The following DNAJC17 variants were observed in gnomAD, a reference collection of about 807,000 sequenced individuals.
The protein encoded by DNAJC17 is dnaJ homolog subfamily C member 17.
A neutral mutation model predicts 48.1 loss-of-function variants in DNAJC17; 35 were observed. The ratio of observed to expected loss-of-function variants is 0.73; its 90% CI spans 0.56 to 0.96. The LOEUF (loss-of-function observed/expected upper bound fraction) is 0.96, where lower values mean the gene tolerates loss of function less well. Among genes scored for constraint, DNAJC17 ranks in the 50% least tolerant of loss-of-function variants. The pLI is 0.00. For missense variants in DNAJC17, 355 were observed against 377.1 expected (o/e 0.94, Z 0.48); for synonymous variants, 117 against 142.7 (o/e 0.82, Z 1.28).
chr15:40,768,957 G>A (rs780061001), intron 10 of DNAJC17, among the ~76,000 whole-genome samples: 43 of 152,244 alleles, frequency 2.8e-4, no homozygotes, highest in Admixed American at 9.2e-4. Context: ...CCTGATCCGC[G>A]GTACCCCGCA....
At chr15:40,798,614 G>A (rs571433912) in intron 1 of DNAJC17, among the ~76,000 whole-genome samples, 2 of 152,304 alleles carry the variant, frequency 1.3e-5, no homozygotes, top group Admixed American at 1.3e-4. Flanking sequence ...GAACGTGCAG[G>A]ACAGGCAGTA....
At chr15:40,779,394 C>G in intron 3 of DNAJC17, 84 bp from the exon 4 acceptor site, 1 of 1,566,960 alleles carries the variant, frequency 6.4e-7, no homozygotes, top group South Asian at 1.1e-5. Flanking sequence ...CCCTAGCCCA[C>G]GAGCCATCAG....
chr15:40,766,051 G>T lies in DNAJC17; in HGVS notation c.*1889C>A. ...CCCCCTGCCTGCATCCTGGGGCTCT[G>T]TTCTCCGGAGGAGTTGGTCCCATCT... On this transcript the variant is annotated 3_prime_UTR_variant, in exon 11 of 11. Transcript: ENST00000220496. 1 of 476,018 alleles carries T rather than the reference G, an allele frequency of 2.1e-6. No homozygotes were observed. 29.5% of individuals were successfully genotyped at this position (476,018 alleles called of 1,614,324 possible).
Position 40,770,380 on chromosome 15 carries a change from C to T in DNAJC17, c.793-2318G>A. ...TCAAAGGTCTGTGCTGAGTGGAAAC[C>T]CTGAGGCCTCTGCTCCTAGGGGAGC... On this transcript the variant is annotated intron_variant, in intron 10 of 10. Coordinates refer to ENST00000220496, the MANE Select transcript of DNAJC17 (RefSeq NM_018163.3). The surrounding 1 kb of genome is among the most constrained non-coding windows in gnomAD (Gnocchi z 5.0). 5 of 1,013,474 alleles carry T rather than the reference C, an allele frequency of 4.9e-6. No individual in the cohort carries two copies. The highest frequency in any genetic ancestry group is 7.1e-6 in the Non-Finnish European group (5 of 708,772). The allele number at this position is 1,013,474 out of a possible 1,614,324, so 62.8% of individuals were successfully genotyped here.
At chr15:40,779,335 C>A (rs1210352810) in intron 3 of DNAJC17, 25 bp from the exon 4 acceptor site, 2 of 1,612,584 alleles carry the variant, frequency 1.2e-6, no homozygotes, top group Non-Finnish European at 1.7e-6. Context: ...GGGCACAGGG[C>A]AGAGGGTCAG....
Position 40,767,069 on chromosome 15 carries a change from A to T in DNAJC17, c.*871T>A. Reference sequence around the variant, plus strand: ...TAGCTCGTGAAGTACCTAGAAGGGGAGGAGGCAGGGGGCGTGCACTTACCC... The same window carrying T: ...TAGCTCGTGAAGTACCTAGAAGGGGTGGAGGCAGGGGGCGTGCACTTACCC... On this transcript the variant is annotated 3_prime_UTR_variant, in exon 11 of 11. Coordinates refer to ENST00000220496, the MANE Select transcript of DNAJC17 (RefSeq NM_018163.3). The T allele has an allele frequency of 1.7e-6, 1 of 576,130 alleles. No individual in the cohort carries two copies. The highest frequency in any genetic ancestry group is 4.1e-5 in the South Asian group (1 of 24,566). The allele number at this position is 576,130 out of a possible 1,614,324, so 35.7% of individuals were successfully genotyped here.
intron 1 of DNAJC17, among the ~76,000 whole-genome samples, chr15:40,800,639 T>C (rs1890053370): frequency 6.6e-6 from 1 of 151,616 alleles, no homozygotes; most frequent in African/African-American, 2.4e-5. Flanking sequence ...GTGTTTTTTT[T>C]TCTACAATCA....
At chr15:40,789,633 G>C (rs1889739266) in intron 1 of DNAJC17, among the ~76,000 whole-genome samples, 1 of 151,840 alleles carries the variant, frequency 6.6e-6, no homozygotes, top group Non-Finnish European at 1.5e-5. Context: ...TGGGTCTCTA[G>C]CCCCAGAACC....
In DNAJC17 at chr15:40,807,279, T is replaced by A. The variant is rs762861528; in HGVS notation, c.78+90A>T. The A allele has an allele frequency of 3.7e-5, 60 of 1,609,346 alleles. No individual in the cohort carries two copies. In the Middle Eastern group the frequency reaches 4.9e-4, roughly 13 times the overall value. ...TCCCCGCCCAGGACCCGAATGAACC[T>A]GGAGAGCGGATGCCAGCAGTGGCCG... On this transcript the variant is annotated intron_variant, in intron 1 of 10. Transcript: ENST00000220496.
intron 1 of DNAJC17, among the ~76,000 whole-genome samples, chr15:40,793,260 G>A (rs1470329890): frequency 2.0e-5 from 3 of 152,070 alleles, no homozygotes; most frequent in Non-Finnish European, 4.4e-5. Context: ...AAAAACACCA[G>A]TCATATAAAT....
chr15:40,765,476 A>C lies in DNAJC17; in HGVS notation c.*2464T>G, dbSNP rs1223709642. 5.8e-6 allele frequency: 1 copy of C among 172,904 alleles called. No individual in the cohort carries two copies. The highest frequency in any genetic ancestry group is 2.4e-5 in the African/African-American group (1 of 42,192). 10.7% of individuals were successfully genotyped at this position (172,904 alleles called of 1,614,324 possible). A position where few individuals can be genotyped will look rare whatever the true frequency, so the allele number is the denominator to read the frequency against. ...TTTTGAAATGGAGTCTCACTCTGTC[A>C]CCCAGGCTGGAGTGCAGTGGTGCAA... On this transcript the variant is annotated 3_prime_UTR_variant, in exon 11 of 11. Coordinates refer to ENST00000220496, the MANE Select transcript of DNAJC17 (RefSeq NM_018163.3).
intron 1 of DNAJC17, among the ~76,000 whole-genome samples, chr15:40,793,158 G>T (rs1315634243): frequency 4.6e-5 from 5 of 108,140 alleles, no homozygotes; most frequent in African/African-American, 1.8e-4. Context: ...CTCCCAAAGT[G>T]CTGGGATTAC....
In DNAJC17 at chr15:40,767,399, TG is replaced by T. The variant is rs776744478; in HGVS notation, c.*540del. 18 of 1,548,622 alleles carry T rather than the reference TG, an allele frequency of 1.2e-5. No homozygotes were observed. The African/African-American group carries it at 2.4e-4, about 21-fold the overall frequency. On this transcript the variant is annotated 3_prime_UTR_variant, in exon 11 of 11. Transcript: ENST00000220496. ...GGGCACCCCTGTGGAGGGGCTGCTGTGGGCCCTGACCTCCAAGCTCCTGCCT... is the reference window on the plus strand; with the variant it reads ...GGGCACCCCTGTGGAGGGGCTGCTGTGGCCCTGACCTCCAAGCTCCTGCCT...
At chr15:40,807,071 G>T in intron 1 of DNAJC17, 1 of 629,044 alleles carries the variant, frequency 1.6e-6, no homozygotes, top group Non-Finnish European at 2.7e-6. Context: ...AGACTGCGCA[G>T]GCGCAGAGGA....
intron 1 of DNAJC17, among the ~76,000 whole-genome samples, chr15:40,781,027 T>C (rs1466242675): frequency 6.7e-6 from 1 of 148,788 alleles, no homozygotes; most frequent in Non-Finnish European, 1.5e-5. Flanking sequence ...TATTCCCCTG[T>C]AATCCCCCTA....
rs1596077467 is a variant in DNAJC17, at chr15:40,775,729, G to A, written c.479-133C>T. On this transcript the variant is annotated intron_variant, in intron 6 of 10. Transcript: ENST00000220496. ...CAAGGGCAATGCCTGCCCAGCTCTG[G>A]TGAGGGCCTGGTGGGGAAAGCAGAT... The A allele has an allele frequency of 3.3e-6, 3 of 901,750 alleles. No homozygotes were observed. The Admixed American group carries it at 6.1e-5, about 18-fold the overall frequency. The allele number at this position is 901,750 out of a possible 1,614,324, so 55.9% of individuals were successfully genotyped here.
intron 1 of DNAJC17, among the ~76,000 whole-genome samples, chr15:40,802,063 C>CCTCA (rs1890089858): frequency 6.6e-6 from 1 of 151,866 alleles, no homozygotes; most frequent in South Asian, 2.1e-4. Flanking sequence ...TAGGGAGGTA[C>CCTCA]TGAGAATGAC....
Position 40,765,750 on chromosome 15 carries a change from C to A in DNAJC17, c.*2190G>T. 3.2e-6 allele frequency: 2 copies of A among 624,770 alleles called. No individual in the cohort carries two copies. Among genetic ancestry groups the A allele is most frequent in the Non-Finnish European group, 5.6e-6 (2 of 355,124 alleles). 38.7% of individuals were successfully genotyped at this position (624,770 alleles called of 1,614,324 possible). A position where few individuals can be genotyped will look rare whatever the true frequency, so the allele number is the denominator to read the frequency against. On this transcript the variant is annotated 3_prime_UTR_variant, in exon 11 of 11. Transcript: ENST00000220496. ...CTGAACCTTACTCAGGGCTAGCAGGCAGGGGAGGAAGGACAGGCAAGACCT... is the reference window on the plus strand; with the variant it reads ...CTGAACCTTACTCAGGGCTAGCAGGAAGGGGAGGAAGGACAGGCAAGACCT...
At chr15:40,774,642 A>C (rs1889265921) in intron 8 of DNAJC17, among the ~76,000 whole-genome samples, 1 of 152,270 alleles carries the variant, frequency 6.6e-6, no homozygotes, top group African/African-American at 2.4e-5. Flanking sequence ...GCAGCAAAGG[A>C]ATGATGAGCA....
Sources: gnomAD v4.1 joint callset for allele counts (sites outside exome capture counted in the v4.1 genomes callset) on GRCh38, gnomAD v4.1.1 for gene constraint, Gnocchi (gnomAD v3.1) non-coding constraint, MANE v1.5 for transcripts, NCBI Gene and HGNC (gene_info 2026-07-23, HGNC 2026-07-21) for gene names.